NIPBL: variants seen among roughly 807,000 people sequenced by gnomAD.
NIPBL encodes the protein NIPBL cohesin loading factor.
In NIPBL, 19 loss-of-function variants were observed where a neutral mutation model predicts 321.8. The ratio of observed to expected loss-of-function variants is 0.06; its 90% CI spans 0.04 to 0.09. NIPBL has a LOEUF of 0.09. NIPBL is among the 10% of genes least tolerant of loss of function. NIPBL has a pLI of 1.00. For synonymous variants in NIPBL, 1,106 were observed against 1,114.1 expected (o/e 0.99, Z 0.14); for missense variants, 2,210 against 3,327.0 (o/e 0.66, Z 8.26).
rs1235145321 is a variant in NIPBL at position 37,049,172 on chromosome 5, T to C, written c.6825T>C (p.Ser2275=). The change falls in exon 40 of 47, where the codon AGT becomes AGC. Residue 2275 remains serine (S), a synonymous_variant. Coordinates refer to ENST00000282516, the MANE Select transcript of NIPBL (RefSeq NM_133433.4). The part of the protein sequence containing the change: ...KEMGDVSSGM[S]SSIMQLYLKQ... ...TGGGTGATGTTTCCTCAGGGATGAGTAGTTCCATCATGCAGCTTTATCTCA... is the reference window on the plus strand; with the variant it reads ...TGGGTGATGTTTCCTCAGGGATGAGCAGTTCCATCATGCAGCTTTATCTCA... The C allele has an allele frequency of 1.2e-6, 2 of 1,614,062 alleles. No individual in the cohort carries two copies. Among genetic ancestry groups the C allele is most frequent in the African/African-American group, 1.3e-5 (1 of 75,034 alleles).
At chr5:36,907,089 C>G (rs1747695164) in intron 1 of NIPBL, among the ~76,000 whole-genome samples, 1 of 152,130 alleles carries the variant, frequency 6.6e-6, no homozygotes, top group African/African-American at 2.4e-5. Flanking sequence ...GTTTTAAAAG[C>G]AATGCTCTGA....
At chr5:36,891,827 G>A (rs1180090178) in intron 1 of NIPBL, among the ~76,000 whole-genome samples, 9 of 152,158 alleles carry the variant, frequency 5.9e-5, no homozygotes, top group Admixed American at 5.9e-4. Flanking sequence ...TAAGATGGGG[G>A]ATTGTAGCGA....
chr5:37,013,980 C>A (rs898211301), intron 21 of NIPBL, among the ~76,000 whole-genome samples: 1 of 152,240 alleles, frequency 6.6e-6, no homozygotes, highest in Non-Finnish European at 1.5e-5. Context: ...CCGAGGCTGG[C>A]GGATCACTCG....
At chr5:36,904,462 T>C (rs1180117560) in intron 1 of NIPBL, among the ~76,000 whole-genome samples, 1 of 152,220 alleles carries the variant, frequency 6.6e-6, no homozygotes, top group Non-Finnish European at 1.5e-5. Context: ...AGAGCAAGAT[T>C]TCCTCTCAAA....
chr5:36,918,165 G>A (rs1433559879), intron 1 of NIPBL, among the ~76,000 whole-genome samples: 3 of 151,998 alleles, frequency 2.0e-5, no homozygotes, highest in Non-Finnish European at 2.9e-5. Flanking sequence ...AGCATGGAAT[G>A]TTCTTCCATT....
At position 37,017,953 on chromosome 5, in the gene NIPBL, A is replaced by T. The variant is rs187908794; in HGVS notation, c.4920+791A>T. On this transcript the variant is annotated intron_variant, in intron 24 of 46. Coordinates refer to ENST00000282516, the MANE Select transcript of NIPBL (RefSeq NM_133433.4). ...TGTGTCTGTATATGCATTTTTTTTT[A>T]AATTTTGTTTCGAACCACTTGAAGT... Among the ~76,000 whole-genome samples the T allele has an allele frequency of 5.0e-3, 763 of 151,890 alleles. 6 individuals are homozygous for T. The highest frequency in any genetic ancestry group is 0.016 in the African/African-American group (683 of 41,460).
rs368629928 is a variant in NIPBL, at chr5:36,901,111, G to A, written c.-80+23933G>A. Among the ~76,000 whole-genome samples, 14 of 152,152 alleles carry A rather than the reference G, an allele frequency of 9.2e-5. No homozygotes were observed. In the East Asian group the frequency reaches 1.7e-3, roughly 19 times the overall value. Reference sequence around the variant, plus strand: ...ATCTCCACCCTTCTCCCACCCTCAAGTAGGCTTTGGTGTCTCTTGTTTCCT... The same window carrying A: ...ATCTCCACCCTTCTCCCACCCTCAAATAGGCTTTGGTGTCTCTTGTTTCCT... On this transcript the variant is annotated intron_variant, in intron 1 of 46. Transcript: ENST00000282516.
chr5:36,893,942 T>C (rs1746535603), intron 1 of NIPBL, among the ~76,000 whole-genome samples: 1 of 152,174 alleles, frequency 6.6e-6, no homozygotes, highest in Non-Finnish European at 1.5e-5. Context: ...TCAAGTAAAA[T>C]TAGAAATTGT....
chr5:37,005,780 T>G (rs1203320448), intron 16 of NIPBL, among the ~76,000 whole-genome samples: 1 of 152,174 alleles, frequency 6.6e-6, no homozygotes, highest in African/African-American at 2.4e-5. Context: ...GTTGCTGATG[T>G]GTAAATTAAA....
intron 42 of NIPBL, among the ~76,000 whole-genome samples, chr5:37,054,300 T>C (rs1360358637): frequency 2.0e-5 from 3 of 152,108 alleles, no homozygotes; most frequent in African/African-American, 4.8e-5. Context: ...AGTGCAGATA[T>C]CTTACTAGAC....
At chr5:36,997,560 G>C (rs557786165) in intron 11 of NIPBL, among the ~76,000 whole-genome samples, 31 of 152,218 alleles carry the variant, frequency 2.0e-4, no homozygotes, top group African/African-American at 7.5e-4. Context: ...TTATATCTAT[G>C]CCCAACTATA....
chr5:37,021,003 T>C, intron 27 of NIPBL, 126 bp downstream of exon 27: 1 of 829,416 alleles, frequency 1.2e-6, no homozygotes, highest in Non-Finnish European at 2.1e-6. Flanking sequence ...GTAGTATTTG[T>C]TTTTAGGTTC....
In NIPBL at chr5:36,997,306, T is replaced by G. The variant is rs185023911; in HGVS notation, c.3304+1502T>G. Among the ~76,000 whole-genome samples, 133 of 152,308 alleles carry G rather than the reference T, an allele frequency of 8.7e-4. 1 individual carries two copies. Among genetic ancestry groups the G allele is most frequent in the Admixed American group, 7.5e-3 (115 of 15,276 alleles). On this transcript the variant is annotated intron_variant, in intron 11 of 46. Transcript: ENST00000282516. Reference sequence around the variant, plus strand: ...ATTTCAAATGACATTTCAAATCCAGTTGACTGAAAGTGACTGCCTCCATTA... The same window carrying G: ...ATTTCAAATGACATTTCAAATCCAGGTGACTGAAAGTGACTGCCTCCATTA...
At position 36,909,205 on chromosome 5, in the gene NIPBL, T is replaced by C. The variant is rs545604892; in HGVS notation, c.-80+32027T>C. Among the ~76,000 whole-genome samples the C allele has an allele frequency of 3.9e-5, 6 of 152,278 alleles. No homozygotes were observed. The East Asian group carries it at 1.2e-3, about 29-fold the overall frequency. ...ACTAGAAACACCCTCACAGTTTTCA[T>C]GGGGTTGGTGAGCAAGTACCTTCTG... On this transcript the variant is annotated intron_variant, in intron 1 of 46. Coordinates refer to ENST00000282516, the MANE Select transcript of NIPBL (RefSeq NM_133433.4).
intron 10 of NIPBL, among the ~76,000 whole-genome samples, chr5:36,993,856 A>G (rs2149659732): frequency 6.6e-6 from 1 of 152,132 alleles, no homozygotes; most frequent in African/African-American, 2.4e-5. Flanking sequence ...GTACATCTGT[A>G]AGTGGACATG....
At chr5:37,038,508 T>C in intron 33 of NIPBL, 94 bp from the exon 34 acceptor site, 5 of 1,136,748 alleles carry the variant, frequency 4.4e-6, no homozygotes, top group Non-Finnish European at 5.1e-6. Context: ...TGGACCTATT[T>C]AGGGGATAAT....
intron 34 of NIPBL, among the ~76,000 whole-genome samples, chr5:37,041,262 T>TG (rs1561200195): frequency 8.1e-6 from 1 of 123,478 alleles, no homozygotes; most frequent in Non-Finnish European, 1.7e-5. Flanking sequence ...GTTTTTTTTT[T>TG]TTTTTTTTTT....
intron 11 of NIPBL, among the ~76,000 whole-genome samples, chr5:36,998,009 C>T (rs764543397): frequency 6.6e-6 from 1 of 152,098 alleles, no homozygotes; most frequent in Non-Finnish European, 1.5e-5. Flanking sequence ...TTGGGGTACA[C>T]AGATTTGGAT....
At chr5:36,878,676 T>G (rs1371100901) in intron 1 of NIPBL, among the ~76,000 whole-genome samples, 2 of 152,236 alleles carry the variant, frequency 1.3e-5, no homozygotes, top group Non-Finnish European at 2.9e-5. Flanking sequence ...TTTAGCGTCC[T>G]GATTACAATA....
Sources: allele counts gnomAD v4.1 joint callset (sites outside exome capture counted in the v4.1 genomes callset), GRCh38; gene constraint gnomAD v4.1.1; transcripts MANE v1.5; gene names NCBI Gene and HGNC (gene_info 2026-07-23, HGNC 2026-07-21).